The following DOCK4 variants were observed in gnomAD, a reference collection of about 807,000 sequenced individuals.
The protein encoded by DOCK4 is dedicator of cytokinesis 4.
DOCK4 carries 97 observed loss-of-function variants against 268.1 expected under a neutral mutation model. That is an observed-to-expected ratio of 0.36 (90% CI 0.31 to 0.43). DOCK4 has a LOEUF of 0.43. Ranked by LOEUF, DOCK4 falls within the 20% of genes least tolerant of loss-of-function variation. The pLI, the probability that DOCK4 is intolerant of heterozygous loss-of-function variation, is 1.00. For synonymous variants in DOCK4, 954 were observed against 887.2 expected (o/e 1.08, Z -1.34); for missense variants, 2,145 against 2,455.7 (o/e 0.87, Z 2.67).
At chr7:111,820,396 G>A (rs1801885953) in intron 27 of DOCK4, 1 of 152,164 alleles carries the variant, frequency 6.6e-6, no homozygotes, top group Admixed American at 6.5e-5. Context: ...TTTAGCAAAG[G>A]GTGATGGCAC....
intron 30 of DOCK4, chr7:111,807,420 G>A (rs1438413250): frequency 6.6e-6 from 1 of 151,488 alleles, no homozygotes; most frequent in African/African-American, 2.4e-5. Context: ...GACAGACCAT[G>A]ATATCTTCTG....
chr7:111,895,803 T>G (rs565229961), intron 15 of DOCK4, 85 bp from the exon 16 acceptor site: 2 of 1,299,060 alleles, frequency 1.5e-6, no homozygotes, highest in Admixed American at 1.7e-5. Context: ...TCGAGAAATA[T>G]AACTCATACA....
intron 1 of DOCK4, among the ~76,000 whole-genome samples, chr7:112,073,898 T>A (rs1563058987): frequency 6.6e-6 from 1 of 152,116 alleles, no homozygotes; most frequent in Non-Finnish European, 1.5e-5. Context: ...TTCAGAAAAC[T>A]AGAAGATTTT....
chr7:112,164,335 C>T (rs1373434366), intron 1 of DOCK4, among the ~76,000 whole-genome samples: 1 of 152,116 alleles, frequency 6.6e-6, no homozygotes, highest in Non-Finnish European at 1.5e-5. Context: ...TATCACCCTG[C>T]ACATCTTTAC....
chr7:112,141,010 G>A (rs182436189), intron 1 of DOCK4, among the ~76,000 whole-genome samples: 57 of 150,742 alleles, frequency 3.8e-4, no homozygotes, highest in Non-Finnish European at 7.5e-4. Context: ...AAAACCCAGA[G>A]TCTACACATG....
chr7:112,140,690 C>T (rs1016001305), intron 1 of DOCK4, among the ~76,000 whole-genome samples: 11 of 148,928 alleles, frequency 7.4e-5, no homozygotes, highest in South Asian at 2.1e-4. Context: ...AAAACATACA[C>T]GGAAGAATTT....
intron 30 of DOCK4, among the ~76,000 whole-genome samples, chr7:111,798,404 T>A (rs1800048210): frequency 6.6e-6 from 1 of 152,228 alleles, no homozygotes; most frequent in South Asian, 2.1e-4. Context: ...GTCTCTCTCT[T>A]TTCTCCTCTC....
intron 10 of DOCK4, among the ~76,000 whole-genome samples, chr7:111,944,081 C>A (rs1196265242): frequency 2.0e-5 from 3 of 152,124 alleles, no homozygotes; most frequent in Non-Finnish European, 4.4e-5. Context: ...AATTCCTCTG[C>A]CATAAAATGC....
At chr7:111,791,614 A>C (rs541988173) in intron 30 of DOCK4, among the ~76,000 whole-genome samples, 1 of 151,874 alleles carries the variant, frequency 6.6e-6, no homozygotes, top group Non-Finnish European at 1.5e-5. Flanking sequence ...ATGGCCAGCT[A>C]ATTTTTGTAT....
chr7:112,119,134 C>T (rs1420922450), intron 1 of DOCK4, among the ~76,000 whole-genome samples: 1 of 152,090 alleles, frequency 6.6e-6, no homozygotes, highest in Admixed American at 6.6e-5. Context: ...CCCAGAGCAG[C>T]AGAAGAGATA....
chr7:111,991,268 C>A (rs1799503139), intron 5 of DOCK4, among the ~76,000 whole-genome samples: 1 of 152,170 alleles, frequency 6.6e-6, no homozygotes, highest in Non-Finnish European at 1.5e-5. Context: ...CCAGGTGTGG[C>A]AAGAATGCTG....
chr7:111,890,024 C>T (rs1289622190), intron 16 of DOCK4, among the ~76,000 whole-genome samples: 1 of 152,134 alleles, frequency 6.6e-6, no homozygotes, highest in Non-Finnish European at 1.5e-5. Flanking sequence ...CTTACTGGAC[C>T]TGAGGGTGTT....
At chr7:112,079,426 G>T (rs1452776371) in intron 1 of DOCK4, among the ~76,000 whole-genome samples, 1 of 152,072 alleles carries the variant, frequency 6.6e-6, no homozygotes, top group Non-Finnish European at 1.5e-5. Flanking sequence ...GTCACTATTG[G>T]CAATATAACT....
chr7:111,822,280 A>C lies in DOCK4; in HGVS notation c.2930+82T>G. On this transcript the variant is annotated intron_variant, in intron 27 of 52. Transcript: ENST00000428084. ...AGGCAAAAAAAAAACTGCAAACTTGAGATCAAATGAAAAAGATAATTTTGT... is the reference window on the plus strand; with the variant it reads ...AGGCAAAAAAAAAACTGCAAACTTGCGATCAAATGAAAAAGATAATTTTGT... 1.1e-5 allele frequency: 13 copies of C among 1,205,876 alleles called. No individual in the cohort carries two copies. In the South Asian group the frequency reaches 1.8e-4, roughly 16 times the overall value. 74.7% of individuals were successfully genotyped at this position (1,205,876 alleles called of 1,614,324 possible).
chr7:111,739,826 G>A (rs1795779463), intron 47 of DOCK4: 1 of 345,358 alleles, frequency 2.9e-6, no homozygotes, highest in African/African-American at 2.1e-5. Context: ...ATGCCTTCTT[G>A]TTATCTGTAC....
chr7:111,889,165 A>C (rs886287949), intron 16 of DOCK4, among the ~76,000 whole-genome samples: 8 of 152,096 alleles, frequency 5.3e-5, no homozygotes, highest in Admixed American at 4.6e-4. Context: ...GTTCAGCTTG[A>C]TATGTTTTTA....
At chr7:111,999,798 T>C (rs908931971) in intron 3 of DOCK4, among the ~76,000 whole-genome samples, 8 of 151,394 alleles carry the variant, frequency 5.3e-5, no homozygotes, top group African/African-American at 1.9e-4. Context: ...AAATGACATA[T>C]ATGAAAATAT....
At chr7:111,781,078 G>A (rs569100823) in intron 35 of DOCK4, among the ~76,000 whole-genome samples, 1 of 152,278 alleles carries the variant, frequency 6.6e-6, no homozygotes, top group South Asian at 2.1e-4. Context: ...TTCATCCAAG[G>A]AAGTGATCTC....
At chr7:112,160,136 G>A (rs1170219329) in intron 1 of DOCK4, among the ~76,000 whole-genome samples, 1 of 152,134 alleles carries the variant, frequency 6.6e-6, no homozygotes, top group African/African-American at 2.4e-5. Context: ...TACTCAACCT[G>A]TATTCTCCTC....
Sources: gnomAD v4.1 joint callset for allele counts (sites outside exome capture counted in the v4.1 genomes callset) on GRCh38, gnomAD v4.1.1 for gene constraint, MANE v1.5 for transcripts, NCBI Gene and HGNC (gene_info 2026-07-23, HGNC 2026-07-21) for gene names.